ZSWIM3: variants seen among roughly 807,000 people sequenced by gnomAD.
ZSWIM3 encodes the protein zinc finger SWIM-type containing 3.
A neutral mutation model predicts 47.5 loss-of-function variants in ZSWIM3; 27 were observed. The observed-to-expected ratio is 0.57, with a 90% CI of 0.42 to 0.78. The LOEUF (loss-of-function observed/expected upper bound fraction) is 0.78. Among genes scored for constraint, ZSWIM3 ranks in the 30% least tolerant of loss-of-function variants. The pLI is 0.00. For missense variants in ZSWIM3, 689 were observed against 861.3 expected, an observed-to-expected ratio of 0.80 and a Z score of 2.50; for synonymous variants, 333 against 333.9, an observed-to-expected ratio of 1.00 and a Z score of 0.03.
rs1220363573 is a variant in ZSWIM3 at position 45,861,380 on chromosome 20, C to T, written c.155+3400C>T. Among the ~76,000 whole-genome samples, 6 of 150,600 alleles carry T rather than the reference C, an allele frequency of 4.0e-5. No homozygotes were observed. In the East Asian group the frequency reaches 1.2e-3, roughly 30 times the overall value. On this transcript the variant is annotated intron_variant, in intron 1 of 1. Transcript: ENST00000255152. ...GCAGTGAGCTATGATCGCACCACTGCACACTACATTTTAGCCTGGGCAACA... is the reference window on the plus strand; with the variant it reads ...GCAGTGAGCTATGATCGCACCACTGTACACTACATTTTAGCCTGGGCAACA...
At chr20:45,864,908 C>A (rs1473604870) in intron 1 of ZSWIM3, among the ~76,000 whole-genome samples, 1 of 152,058 alleles carries the variant, frequency 6.6e-6, no homozygotes, top group African/African-American at 2.4e-5. Flanking sequence ...TGGTGGCTCA[C>A]GCCTGTAATC....
At chr20:45,863,178 TTTG>T (rs199885122) in intron 1 of ZSWIM3, among the ~76,000 whole-genome samples, 73,033 of 146,998 alleles carry the variant, frequency 0.5, 18,557 homozygotes, top group Admixed American at 0.59. Flanking sequence ...TGTTTTTTTT[TTTG>T]TTTGTTTGTT....
intron 1 of ZSWIM3, among the ~76,000 whole-genome samples, chr20:45,869,899 C>T (rs1273551539): frequency 6.6e-6 from 1 of 151,580 alleles, no homozygotes; most frequent in Admixed American, 6.6e-5. Flanking sequence ...CAAAAATTAA[C>T]CAGGCGTGGT....
At chr20:45,862,520 C>G (rs1985735357) in intron 1 of ZSWIM3, among the ~76,000 whole-genome samples, 1 of 150,236 alleles carries the variant, frequency 6.7e-6, no homozygotes, top group South Asian at 2.1e-4. Context: ...GAGATGGAGT[C>G]TTGCTCTGTC....
chr20:45,877,330 A>G lies in ZSWIM3; in HGVS notation c.772A>G (p.Thr258Ala), dbSNP rs1379283338. Residue 258 changes from threonine to alanine, a missense_variant, in exon 2 of 2, where the codon ACA (threonine) becomes GCA (alanine). By Grantham distance (58) the Thr-to-Ala change is moderately conservative. Transcript: ENST00000255152. Reference sequence around the variant, plus strand: ...GCACTTTGCTGTGCTCAAGGCGGAGACAGTCACCTCTGTGGCCAAGATGCT... The same window carrying G: ...GCACTTTGCTGTGCTCAAGGCGGAGGCAGTCACCTCTGTGGCCAAGATGCT... ...VVHFAVLKAE[T>A]VTSVAKMLSI... The G allele has an allele frequency of 1.2e-6, 2 of 1,614,166 alleles. No individual in the cohort carries two copies. Among genetic ancestry groups the G allele is most frequent in the Admixed American group, 3.3e-5 (2 of 60,014 alleles).
chr20:45,878,306 G>T lies in ZSWIM3; in HGVS notation c.1748G>T (p.Arg583Leu). 1 of 1,614,228 alleles carries T rather than the reference G, an allele frequency of 6.2e-7. No individual in the cohort carries two copies. The highest frequency in any genetic ancestry group is 8.5e-7 in the Non-Finnish European group (1 of 1,180,032). Residue 583 changes from arginine to leucine, a missense_variant, in exon 2 of 2, where the codon CGG becomes CTG. Arg to Leu is a moderately radical substitution (Grantham distance 102). Coordinates refer to ENST00000255152, the MANE Select transcript of ZSWIM3 (RefSeq NM_080752.4). ...QPVGEAMVCR[R>L]WQKKYQYLLG... ...GTTGGTGAAGCCATGGTGTGCCGCC[G>T]GTGGCAGAAGAAGTACCAGTACCTC...
chr20:45,877,822 T>C lies in ZSWIM3; in HGVS notation c.1264T>C (p.Tyr422His), dbSNP rs1986141306. ...LLDCILCFVDYIDFFNTKGLK... is the reference protein window; with the variant it reads ...LLDCILCFVDHIDFFNTKGLK... ...GGACTGCATCCTCTGCTTTGTGGAT[T>C]ACATAGACTTCTTTAATACCAAAGG... The change falls in exon 2 of 2, where the codon TAC becomes CAC. Residue 422 changes from tyrosine to histidine, a missense_variant. Physicochemically the swap from Tyr to His is moderately conservative, Grantham distance 83 (BLOSUM62 2). Coordinates refer to ENST00000255152, the MANE Select transcript of ZSWIM3 (RefSeq NM_080752.4). 1 of 1,614,196 alleles carries C rather than the reference T, an allele frequency of 6.2e-7. No individual in the cohort carries two copies. The highest frequency in any genetic ancestry group is 8.5e-7 in the Non-Finnish European group (1 of 1,180,032).
intron 1 of ZSWIM3, 62 bp downstream of exon 1, chr20:45,858,042 C>A: frequency 6.4e-7 from 1 of 1,552,194 alleles, no homozygotes; most frequent in South Asian, 1.2e-5. Flanking sequence ...CTCCGGAGGG[C>A]TGCCTGGAGG....
chr20:45,857,679 C>T lies in ZSWIM3; in HGVS notation c.-147C>T. ...CAGGCCTAGGGTTCCTCCCTGAGTT[C>T]CAGAATAGGCCACCCAGTTGGGGCG... On this transcript the variant is annotated 5_prime_UTR_variant, in exon 1 of 2. Coordinates refer to ENST00000255152, the MANE Select transcript of ZSWIM3 (RefSeq NM_080752.4). 1 of 985,084 alleles carries T rather than the reference C, an allele frequency of 1.0e-6. No homozygotes were observed. Among genetic ancestry groups the T allele is most frequent in the South Asian group, 1.6e-5 (1 of 63,480 alleles). 61.0% of individuals were successfully genotyped at this position (985,084 alleles called of 1,614,324 possible).
chr20:45,858,362 G>A (rs138701110), intron 1 of ZSWIM3, among the ~76,000 whole-genome samples: 248 of 152,296 alleles, frequency 1.6e-3, no homozygotes, highest in African/African-American at 5.8e-3. Context: ...TGGAATGTTC[G>A]TTCATTCATT....
At position 45,875,078 on chromosome 20, in the gene ZSWIM3, A is replaced by C. The variant is rs1352580689; in HGVS notation, c.156-1636A>C. Reference sequence around the variant, plus strand: ...TTTTTTGACAGAGTCTCACTCTGTCACCCAGGCTGGAGTGCGGTGGCGCCA... The same window carrying C: ...TTTTTTGACAGAGTCTCACTCTGTCCCCCAGGCTGGAGTGCGGTGGCGCCA... On this transcript the variant is annotated intron_variant, in intron 1 of 1. Transcript: ENST00000255152. Among the ~76,000 whole-genome samples the C allele has an allele frequency of 3.4e-5, 4 of 117,464 alleles. No individual in the cohort carries two copies. The Admixed American group carries it at 5.1e-4, about 15-fold the overall frequency. The allele number at this position is 117,464 out of a possible 152,430, so 77.1% of individuals were successfully genotyped here.
intron 1 of ZSWIM3, among the ~76,000 whole-genome samples, chr20:45,863,179 TTG>T (rs1360886294): frequency 0.049 from 2,062 of 42,276 alleles, 40 homozygotes; most frequent in African/African-American, 0.091. Flanking sequence ...GTTTTTTTTT[TTG>T]TTTGTTTGTT....
chr20:45,866,106 C>T (rs557234445), intron 1 of ZSWIM3, among the ~76,000 whole-genome samples: 2 of 151,662 alleles, frequency 1.3e-5, no homozygotes, highest in Admixed American at 1.3e-4. Context: ...GAGTTCAAGA[C>T]CAGCCTGGCC....
intron 1 of ZSWIM3, among the ~76,000 whole-genome samples, chr20:45,875,099 C>T (rs535379389): frequency 5.7e-4 from 72 of 127,284 alleles, no homozygotes; most frequent in African/African-American, 2.1e-3. Flanking sequence ...AGTGCGGTGG[C>T]GCCATCTTGG....
At chr20:45,866,783 C>T (rs1322143195) in intron 1 of ZSWIM3, among the ~76,000 whole-genome samples, 1 of 147,860 alleles carries the variant, frequency 6.8e-6, no homozygotes, top group Non-Finnish European at 1.5e-5. Flanking sequence ...ACCTGAGCAA[C>T]AGAGACCCTG....
chr20:45,869,962 G>A (rs1000530795), intron 1 of ZSWIM3, among the ~76,000 whole-genome samples: 4 of 149,194 alleles, frequency 2.7e-5, no homozygotes, highest in Non-Finnish European at 5.9e-5. Context: ...GAGAATCGCT[G>A]GAACCCAGGA....
chr20:45,857,972 A>G lies in ZSWIM3; in HGVS notation c.147A>G (p.Glu49=), dbSNP rs770009444. 2.8e-6 allele frequency: 2 copies of G among 726,854 alleles called. No homozygotes were observed. Among genetic ancestry groups the G allele is most frequent in the Admixed American group, 2.0e-5 (1 of 49,542 alleles). The allele number at this position is 726,854 out of a possible 1,614,324, so 45.0% of individuals were successfully genotyped here. A position where few individuals can be genotyped will look rare whatever the true frequency, so the allele number is the denominator to read the frequency against. Residue 49 remains glutamate, a synonymous_variant, in exon 1 of 2, where the codon GAA becomes GAG. Transcript: ENST00000255152. ...HNLNHGTSIR[E]DILYVQVKFV... ...TCAACCATGGCACCTCCATCCGCGAAGACATCCTGTAAGGGCGGGCGGGGC... is the reference window on the plus strand; with the variant it reads ...TCAACCATGGCACCTCCATCCGCGAGGACATCCTGTAAGGGCGGGCGGGGC...
intron 1 of ZSWIM3, among the ~76,000 whole-genome samples, chr20:45,867,145 T>C (rs1204839543): frequency 6.6e-6 from 1 of 151,892 alleles, no homozygotes; most frequent in East Asian, 1.9e-4. Context: ...TAGCTGGGAT[T>C]ACAGGTGCCC....
At chr20:45,874,637 G>A (rs1465183100) in intron 1 of ZSWIM3, among the ~76,000 whole-genome samples, 2 of 152,162 alleles carry the variant, frequency 1.3e-5, no homozygotes, top group East Asian at 3.8e-4. Context: ...TGGGATCCTC[G>A]CTTTTATCTT....
Sources: gnomAD v4.1 joint callset for allele counts (sites outside exome capture counted in the v4.1 genomes callset) on GRCh38, gnomAD v4.1.1 for gene constraint, MANE v1.5 for transcripts, NCBI Gene and HGNC (gene_info 2026-07-23, HGNC 2026-07-21) for gene names.